CADPS: variants seen among roughly 807,000 people sequenced by gnomAD.
The protein encoded by CADPS is calcium dependent secretion activator.
CADPS carries 57 observed loss-of-function variants against 167.3 expected under a neutral mutation model. That is an observed-to-expected ratio of 0.34 (90% CI 0.28 to 0.42). CADPS has a LOEUF of 0.42. Ranked by LOEUF, CADPS falls within the 20% of genes least tolerant of loss-of-function variation. The pLI, the probability that CADPS is intolerant of heterozygous loss-of-function variation, is 1.00. For synonymous variants in CADPS, 676 were observed against 635.3 expected (o/e 1.06, Z -0.96); for missense variants, 1,414 against 1,738.1 (o/e 0.81, Z 3.32).
At chr3:62,786,629 A>G (rs920093266) in intron 1 of CADPS, among the ~76,000 whole-genome samples, 5 of 152,142 alleles carry the variant, frequency 3.3e-5, no homozygotes, top group Admixed American at 3.3e-4. Context: ...TGGGTGACAG[A>G]GTGAGAACCT....
intron 1 of CADPS, among the ~76,000 whole-genome samples, chr3:62,867,766 C>T (rs1444249443): frequency 1.3e-5 from 2 of 151,930 alleles, no homozygotes; most frequent in Non-Finnish European, 2.9e-5. Context: ...CAAGAGCTGA[C>T]ACTTGTATTG....
intron 23 of CADPS, among the ~76,000 whole-genome samples, chr3:62,476,253 C>G (rs960155640): frequency 6.6e-6 from 1 of 152,180 alleles, no homozygotes; most frequent in Non-Finnish European, 1.5e-5. Flanking sequence ...GAACAAGGGA[C>G]ACAGAATCTG....
At chr3:62,844,390 T>G (rs2077078041) in intron 1 of CADPS, among the ~76,000 whole-genome samples, 1 of 152,170 alleles carries the variant, frequency 6.6e-6, no homozygotes, top group South Asian at 2.1e-4. Context: ...TTGACACACC[T>G]ACTTTTTGAC....
intron 6 of CADPS, among the ~76,000 whole-genome samples, chr3:62,637,548 T>A (rs1452312355): frequency 6.6e-6 from 1 of 152,216 alleles, no homozygotes; most frequent in Non-Finnish European, 1.5e-5. Context: ...GGAACACCTG[T>A]GCTGGTGTGT....
intron 6 of CADPS, among the ~76,000 whole-genome samples, chr3:62,615,834 G>A (rs1248653280): frequency 6.6e-6 from 1 of 152,120 alleles, no homozygotes; most frequent in Admixed American, 6.6e-5. Flanking sequence ...AGAATTCTGT[G>A]ACTATTCATG....
In CADPS at chr3:62,426,395, C is replaced by T. The variant is rs149602072; in HGVS notation, c.3777+11709G>A. Among the ~76,000 whole-genome samples the T allele has an allele frequency of 4.0e-3, 610 of 152,228 alleles. 5 individuals are homozygous for T. Among genetic ancestry groups the T allele is most frequent in the African/African-American group, 0.013 (547 of 41,558 alleles). ...CAATCTCCTGATCTCGTGATCCACC[C>T]GCCTTGGCCTCCCAAAGTGCTGGGA... On this transcript the variant is annotated intron_variant, in intron 28 of 29. Coordinates refer to ENST00000383710, the MANE Select transcript of CADPS (RefSeq NM_003716.4).
intron 26 of CADPS, among the ~76,000 whole-genome samples, chr3:62,448,624 G>GT (rs1560515063): frequency 2.0e-5 from 3 of 151,308 alleles, no homozygotes; most frequent in African/African-American, 7.3e-5. Context: ...ACTTTTTTGG[G>GT]GGGGGGTGGT....
chr3:62,638,178 G>C (rs1373032623), intron 6 of CADPS, among the ~76,000 whole-genome samples: 1 of 151,540 alleles, frequency 6.6e-6, no homozygotes, highest in Non-Finnish European at 1.5e-5. Flanking sequence ...TCACACAGCG[G>C]AAATAGGAAC....
chr3:62,550,499 A>G (rs2077151520), intron 10 of CADPS, among the ~76,000 whole-genome samples: 3 of 152,080 alleles, frequency 2.0e-5, no homozygotes, highest in Admixed American at 6.5e-5. Context: ...TCTCTTTACA[A>G]CGAAAGGGAA....
chr3:62,682,781 A>G (rs933560844), intron 3 of CADPS, among the ~76,000 whole-genome samples: 6 of 152,046 alleles, frequency 3.9e-5, no homozygotes, highest in Admixed American at 3.3e-4. Flanking sequence ...AATGAAGAGT[A>G]TAAAGAAACT....
At chr3:62,481,583 A>G in intron 22 of CADPS, 140 bp downstream of exon 22, 2 of 728,384 alleles carry the variant, frequency 2.7e-6, no homozygotes, top group Non-Finnish European at 4.3e-6. Flanking sequence ...AATAAACAAT[A>G]TTGTCTCTGT....
intron 10 of CADPS, among the ~76,000 whole-genome samples, chr3:62,554,370 T>C (rs938276373): frequency 3.3e-5 from 5 of 152,182 alleles, no homozygotes; most frequent in Non-Finnish European, 7.4e-5. Flanking sequence ...CCACGTAGAT[T>C]GTAGGCTGGT....
At chr3:62,798,112 C>T (rs2093553670) in intron 1 of CADPS, among the ~76,000 whole-genome samples, 1 of 152,062 alleles carries the variant, frequency 6.6e-6, no homozygotes, top group Non-Finnish European at 1.5e-5. Context: ...GAGATAAACG[C>T]AATGAAGCAG....
intron 17 of CADPS, chr3:62,499,941 TTGTTTTCTTTGTTTTTAGTTTC>T (rs1253575230): frequency 6.6e-6 from 1 of 152,200 alleles, no homozygotes; most frequent in Admixed American, 6.5e-5. Context: ...ATGTACTTAA[TTGTTTTCTTTGTTTTTAGTTTC>T]TCTTAAACTG....
chr3:62,815,822 G>C (rs1198835724), intron 1 of CADPS, among the ~76,000 whole-genome samples: 2 of 151,916 alleles, frequency 1.3e-5, no homozygotes, highest in African/African-American at 4.8e-5. Flanking sequence ...CACTCCCTAG[G>C]TCCAGGTCTT....
At chr3:62,662,211 C>T (rs1579911487) in intron 4 of CADPS, 103 bp downstream of exon 4, 1 of 1,019,602 alleles carries the variant, frequency 9.8e-7, no homozygotes, top group East Asian at 2.4e-5. Context: ...CTTCCCTCCT[C>T]TCTGCTTCTC....
intron 3 of CADPS, among the ~76,000 whole-genome samples, chr3:62,746,802 T>A (rs954551407): frequency 6.6e-6 from 1 of 152,200 alleles, no homozygotes; most frequent in Non-Finnish European, 1.5e-5. Context: ...AGCCTCCAGA[T>A]GTGAGCACAG....
intron 16 of CADPS, chr3:62,513,536 A>G: frequency 2.7e-6 from 2 of 747,114 alleles, no homozygotes; most frequent in South Asian, 1.8e-5. Flanking sequence ...ATGCTAAAAA[A>G]CTTGAAGCAA....
intron 2 of CADPS, 139 bp downstream of exon 2, chr3:62,765,732 A>G (rs1377789958): frequency 1.8e-6 from 1 of 542,446 alleles, no homozygotes; most frequent in African/African-American, 1.9e-5. Flanking sequence ...TTAACATTGT[A>G]ACGAATCACC....
Sources: gnomAD v4.1 joint callset for allele counts (sites outside exome capture counted in the v4.1 genomes callset) on GRCh38, gnomAD v4.1.1 for gene constraint, MANE v1.5 for transcripts, NCBI Gene and HGNC (gene_info 2026-07-23, HGNC 2026-07-21) for gene names.